GPC6: variants seen among roughly 807,000 people sequenced by gnomAD.
The protein encoded by GPC6 is glypican-6.
Under a neutral mutation model 55.2 loss-of-function variants are expected in GPC6, and 14 were observed. The ratio of observed to expected loss-of-function variants is 0.25; its 90% CI spans 0.17 to 0.40. The LOEUF (loss-of-function observed/expected upper bound fraction) is 0.40. Among genes scored for constraint, GPC6 ranks in the 10% least tolerant of loss-of-function variants. The pLI is 1.00. For missense variants in GPC6, 641 were observed against 708.5 expected, an observed-to-expected ratio of 0.90 and a Z score of 1.08; for synonymous variants, 278 against 259.6, an observed-to-expected ratio of 1.07 and a Z score of -0.68.
intron 1 of GPC6, among the ~76,000 whole-genome samples, chr13:93,393,633 TCTC>T (rs1566333695): frequency 2.4e-4 from 37 of 151,148 alleles, no homozygotes; most frequent in South Asian, 8.4e-4. Flanking sequence ...AGACCTGTTC[TCTC>T]TCTCTCTCTC....
At position 93,247,604 on chromosome 13, in the gene GPC6, A is replaced by T. The variant is rs1876646902; in HGVS notation, c.160+19988A>T. 2.6e-5 allele frequency among the ~76,000 whole-genome samples: 4 copies of T among 152,208 alleles called. No homozygotes were observed. The South Asian group carries it at 8.3e-4, about 32-fold the overall frequency. On this transcript the variant is annotated intron_variant, in intron 1 of 8. Transcript: ENST00000377047. ...AAGCATTATGTTAAAAGCTTAGGCC[A>T]ATCTTTTTATATGACCGCAATAAAG...
chr13:93,767,610 T>C (rs1885163636), intron 2 of GPC6, among the ~76,000 whole-genome samples: 1 of 152,130 alleles, frequency 6.6e-6, no homozygotes, highest in African/African-American at 2.4e-5. Context: ...CTTGCTCCAA[T>C]GTATAGCTGA....
At chr13:93,938,078 G>GA (rs34419730) in intron 3 of GPC6, among the ~76,000 whole-genome samples, 51,052 of 151,912 alleles carry the variant, frequency 0.34, 8,753 homozygotes, top group Middle Eastern at 0.43. Flanking sequence ...TTAATATTGG[G>GA]AGCAACTCTT....
chr13:93,510,398 A>G (rs1880910527), intron 1 of GPC6, among the ~76,000 whole-genome samples: 1 of 152,090 alleles, frequency 6.6e-6, no homozygotes. Context: ...GTTCCCACCT[A>G]TAAGTGAGAG....
At position 93,830,282 on chromosome 13, in the gene GPC6, T is replaced by A. The variant is rs779884305; in HGVS notation, c.448T>A (p.Tyr150Asn). ...QDLFTELKRY[Y>N]TGGNVNLEEM... ...CCTCTTCACAGAGCTGAAAAGGTAC[T>A]ACACTGGGGGTAATGTGAATCTGGA... is the stretch of plus-strand genomic sequence containing the variant. The change falls in exon 3 of 9, where the codon TAC becomes AAC. Residue 150 changes from tyrosine (Y) to asparagine (N), a missense_variant. Physicochemically the swap from Tyr to Asn is moderately radical, Grantham distance 143 (BLOSUM62 -2). Coordinates refer to ENST00000377047, the MANE Select transcript of GPC6 (RefSeq NM_005708.5). 6.2e-7 allele frequency: 1 copy of A among 1,613,970 alleles called. No homozygotes were observed. Among genetic ancestry groups the A allele is most frequent in the Non-Finnish European group, 8.5e-7 (1 of 1,179,934 alleles).
intron 2 of GPC6, among the ~76,000 whole-genome samples, chr13:93,647,310 A>C (rs1425012413): frequency 6.6e-6 from 1 of 152,132 alleles, no homozygotes; most frequent in African/African-American, 2.4e-5. Context: ...CGTTTCTTGA[A>C]TGAATACTTA....
intron 1 of GPC6, among the ~76,000 whole-genome samples, chr13:93,438,141 A>T (rs1393789303): frequency 6.6e-6 from 1 of 152,178 alleles, no homozygotes; most frequent in African/African-American, 2.4e-5. Context: ...ATTATTTTCA[A>T]AGTATTACTG....
intron 1 of GPC6, among the ~76,000 whole-genome samples, chr13:93,505,992 A>G (rs1329722595): frequency 2.6e-5 from 4 of 152,126 alleles, no homozygotes; most frequent in African/African-American, 7.2e-5. Flanking sequence ...GCGTTTTTCT[A>G]CTTTATCTCA....
At chr13:94,271,366 A>ACGCGCGCGCACGCGCGCG (rs1892009178) in intron 4 of GPC6, among the ~76,000 whole-genome samples, 2 of 131,224 alleles carry the variant, frequency 1.5e-5, no homozygotes, top group African/African-American at 2.8e-5. Flanking sequence ...ACACACACAC[A>ACGCGCGCGCACGCGCGCG]CGCGCGCGCG....
chr13:93,538,342 T>C (rs1330716313), intron 1 of GPC6, among the ~76,000 whole-genome samples: 1 of 152,190 alleles, frequency 6.6e-6, no homozygotes, highest in African/African-American at 2.4e-5. Flanking sequence ...TATTAGATTG[T>C]TCATAGAACT....
At chr13:94,065,071 T>C (rs1253778899) in intron 4 of GPC6, among the ~76,000 whole-genome samples, 1 of 151,996 alleles carries the variant, frequency 6.6e-6, no homozygotes, top group African/African-American at 2.4e-5. Context: ...TCTTTAGAAA[T>C]ATGACAACTT....
At chr13:93,833,104 T>TG (rs1887583798) in intron 3 of GPC6, among the ~76,000 whole-genome samples, 3 of 61,602 alleles carry the variant, frequency 4.9e-5, no homozygotes, top group African/African-American at 1.7e-4. Context: ...GATAGGTAGA[T>TG]GATAGAGAGA....
intron 4 of GPC6, among the ~76,000 whole-genome samples, chr13:94,228,092 G>A (rs1678424430): frequency 6.6e-6 from 1 of 152,180 alleles, no homozygotes; most frequent in Non-Finnish European, 1.5e-5. Flanking sequence ...CGTGGGACAA[G>A]ATTGCCAAAA....
At chr13:93,703,191 G>A (rs1882732345) in intron 2 of GPC6, among the ~76,000 whole-genome samples, 1 of 151,738 alleles carries the variant, frequency 6.6e-6, no homozygotes, top group Admixed American at 6.6e-5. Context: ...ACTTTATCGG[G>A]GACTAGGGAG....
intron 1 of GPC6, among the ~76,000 whole-genome samples, chr13:93,484,334 CTAG>C (rs886740829): frequency 6.6e-6 from 1 of 152,016 alleles, no homozygotes; most frequent in African/African-American, 2.4e-5. Context: ...AACAGATACC[CTAG>C]TTAAATCAGG....
chr13:93,372,975 T>G (rs568463647), intron 1 of GPC6, among the ~76,000 whole-genome samples: 6 of 152,318 alleles, frequency 3.9e-5, no homozygotes, highest in African/African-American at 1.4e-4. Context: ...CTGAGACATA[T>G]GCAGGGTCGT....
chr13:94,326,153 G>T (rs1262907600), intron 6 of GPC6, among the ~76,000 whole-genome samples: 1 of 151,510 alleles, frequency 6.6e-6, no homozygotes, highest in Non-Finnish European at 1.5e-5. Flanking sequence ...CACTTTGACT[G>T]TATTTATTTA....
intron 2 of GPC6, among the ~76,000 whole-genome samples, chr13:93,636,411 T>C (rs2139579041): frequency 6.6e-6 from 1 of 152,280 alleles, no homozygotes; most frequent in South Asian, 2.1e-4. Context: ...CTAGTATTTA[T>C]AGTGACAGAA....
intron 2 of GPC6, among the ~76,000 whole-genome samples, chr13:93,810,211 A>G (rs1403108818): frequency 6.6e-6 from 1 of 152,214 alleles, no homozygotes; most frequent in Non-Finnish European, 1.5e-5. Flanking sequence ...TTTGTTGTAG[A>G]AACAGCTTCA....
Sources: allele counts gnomAD v4.1 joint callset (sites outside exome capture counted in the v4.1 genomes callset), GRCh38; gene constraint gnomAD v4.1.1; transcripts MANE v1.5; gene names NCBI Gene and HGNC (gene_info 2026-07-23, HGNC 2026-07-21).